Variants in RAB11FIP4 observed in about 807,000 individuals in gnomAD.
RAB11FIP4 encodes RAB11 family interacting protein 4.
RAB11FIP4 carries 23 observed loss-of-function variants against 74.3 expected under a neutral mutation model. The observed-to-expected ratio is 0.31, with a 90% CI of 0.22 to 0.44. The LOEUF (loss-of-function observed/expected upper bound fraction) is 0.44, where lower values mean the gene tolerates loss of function less well. Among genes scored for constraint, RAB11FIP4 ranks in the 20% least tolerant of loss-of-function variants. The pLI is 1.00. For missense variants in RAB11FIP4, 630 were observed against 863.9 expected, an observed-to-expected ratio of 0.73 and a Z score of 3.39; for synonymous variants, 360 against 359.9, an observed-to-expected ratio of 1.00 and a Z score of 0.00.
intron 1 of RAB11FIP4, among the ~76,000 whole-genome samples, chr17:31,408,947 G>T (rs745707467): frequency 6.6e-6 from 1 of 152,248 alleles, no homozygotes; most frequent in Non-Finnish European, 1.5e-5. Flanking sequence ...TATGGTTCAG[G>T]GGAGGACTCC....
At chr17:31,487,771 C>A (rs1000787110) in intron 3 of RAB11FIP4, among the ~76,000 whole-genome samples, 8 of 152,056 alleles carry the variant, frequency 5.3e-5, no homozygotes, top group Non-Finnish European at 7.4e-5. Context: ...CGAGCTCACA[C>A]GCCGACTCCT....
At chr17:31,409,029 G>A (rs2071067925) in intron 1 of RAB11FIP4, among the ~76,000 whole-genome samples, 1 of 152,250 alleles carries the variant, frequency 6.6e-6, no homozygotes, top group South Asian at 2.1e-4. Context: ...CATGCACACA[G>A]ACGGCCGCAG....
chr17:31,457,342 G>C (rs1157684404), intron 3 of RAB11FIP4, among the ~76,000 whole-genome samples: 4 of 152,048 alleles, frequency 2.6e-5, no homozygotes, highest in Non-Finnish European at 5.9e-5. Flanking sequence ...AGAGTCAGGA[G>C]CTGACCTCTC....
rs1009071040 is a variant in RAB11FIP4 at position 31,530,455 on chromosome 17, G to A, written c.1783G>A (p.Ala595Thr). 1.2e-6 allele frequency: 2 copies of A among 1,613,648 alleles called. No individual in the cohort carries two copies. Among genetic ancestry groups the A allele is most frequent in the African/African-American group, 1.3e-5 (1 of 75,044 alleles). Reference protein sequence around the residue: ...AQSLAAEIDTASRDELMEALK... With the variant: ...AQSLAAEIDTTSRDELMEALK... Reference sequence around the variant, plus strand: ...GTCTCTGGCTGCGGAGATAGACACCGCCTCGCGCGATGAGGTAACCACACC... The same window carrying A: ...GTCTCTGGCTGCGGAGATAGACACCACCTCGCGCGATGAGGTAACCACACC... The change falls in exon 14 of 15, where the codon GCC (alanine) becomes ACC (threonine). Residue 595 changes from alanine to threonine, a missense_variant. Coordinates refer to ENST00000621161, the MANE Select transcript of RAB11FIP4 (RefSeq NM_032932.6).
chr17:31,521,373 T>C lies in RAB11FIP4; in HGVS notation c.758+13T>C. 1 of 1,581,780 alleles carries C rather than the reference T, an allele frequency of 6.3e-7. No homozygotes were observed. The stretch of plus-strand genomic sequence containing the variant: ...CGGTGTCTTCCAGGTGGCCCCTTGG[T>C]CTGGGATGTCATTTGGGGTCAAAAG... On this transcript the variant is annotated intron_variant, in intron 5 of 14. Coordinates refer to ENST00000621161, the MANE Select transcript of RAB11FIP4 (RefSeq NM_032932.6).
chr17:31,396,119 G>A (rs2070926740), intron 1 of RAB11FIP4, among the ~76,000 whole-genome samples: 1 of 151,504 alleles, frequency 6.6e-6, no homozygotes, highest in Non-Finnish European at 1.5e-5. Flanking sequence ...GGGAGGCGGA[G>A]GTTGCAGTGA....
intron 3 of RAB11FIP4, among the ~76,000 whole-genome samples, chr17:31,503,959 C>G (rs2072268956): frequency 1.3e-5 from 2 of 149,504 alleles, no homozygotes; most frequent in Admixed American, 6.6e-5. Context: ...GAAAGGTGCT[C>G]AACATCATTG....
intron 3 of RAB11FIP4, among the ~76,000 whole-genome samples, chr17:31,475,303 C>G (rs1203376790): frequency 6.6e-6 from 1 of 152,084 alleles, no homozygotes; most frequent in Admixed American, 6.6e-5. Flanking sequence ...GTCAGCTTAA[C>G]CTGCAAGTCT....
chr17:31,486,658 T>A (rs1343708375), intron 3 of RAB11FIP4, among the ~76,000 whole-genome samples: 1 of 152,190 alleles, frequency 6.6e-6, no homozygotes. Context: ...AGAGAAACAG[T>A]CTGGCCTCTG....
At chr17:31,413,597 G>T (rs908929691) in intron 1 of RAB11FIP4, among the ~76,000 whole-genome samples, 10 of 151,062 alleles carry the variant, frequency 6.6e-5, no homozygotes, top group African/African-American at 1.5e-4. Flanking sequence ...TCACACCAAC[G>T]CCCCGCTTCT....
At chr17:31,436,350 C>T (rs1283861355) in intron 3 of RAB11FIP4, among the ~76,000 whole-genome samples, 2 of 152,096 alleles carry the variant, frequency 1.3e-5, no homozygotes, top group Non-Finnish European at 2.9e-5. Context: ...TTTCAGTTTA[C>T]CCTCGGATAC....
chr17:31,489,731 G>C (rs1237384106), intron 3 of RAB11FIP4, among the ~76,000 whole-genome samples: 1 of 152,194 alleles, frequency 6.6e-6, no homozygotes, highest in East Asian at 1.9e-4. Context: ...CTTCACAGGG[G>C]AGAGTGTCGC....
At chr17:31,530,160 C>T (rs1249138395) in intron 13 of RAB11FIP4, among the ~76,000 whole-genome samples, 166 bp from the exon 14 acceptor site, 2 of 152,214 alleles carry the variant, frequency 1.3e-5, no homozygotes, top group South Asian at 2.1e-4. Context: ...TTGCCCCCAG[C>T]GCTTGGCAAA....
intron 8 of RAB11FIP4, 69 bp downstream of exon 8, chr17:31,523,680 G>A (rs2074147): frequency 0.18 from 258,174 of 1,457,132 alleles, 23,692 homozygotes; most frequent in South Asian, 0.22. Context: ...GGTGCACTCA[G>A]GCTACTGTCT....
intron 3 of RAB11FIP4, among the ~76,000 whole-genome samples, chr17:31,513,202 G>A (rs7213689): frequency 0.38 from 58,169 of 152,014 alleles, 11,615 homozygotes; most frequent in South Asian, 0.54. Context: ...CAGCCTGGCC[G>A]GAGAGGAACC....
intron 1 of RAB11FIP4, among the ~76,000 whole-genome samples, chr17:31,417,159 C>T (rs559804277): frequency 6.6e-6 from 1 of 152,182 alleles, no homozygotes; most frequent in African/African-American, 2.4e-5. Context: ...GGAAACCCTG[C>T]AACTGGTCCT....
intron 3 of RAB11FIP4, among the ~76,000 whole-genome samples, chr17:31,454,977 A>G (rs1234208295): frequency 6.6e-6 from 1 of 152,192 alleles, no homozygotes; most frequent in Non-Finnish European, 1.5e-5. Flanking sequence ...ACAGGCAGGA[A>G]GAGGACTGGT....
At chr17:31,463,392 G>A (rs562807878) in intron 3 of RAB11FIP4, among the ~76,000 whole-genome samples, 29 of 152,294 alleles carry the variant, frequency 1.9e-4, no homozygotes, top group African/African-American at 4.8e-4. Context: ...GTGCCCTGGC[G>A]TGTGGTGGGC....
chr17:31,509,213 C>CA (rs2072408758), intron 3 of RAB11FIP4: 2 of 152,424 alleles, frequency 1.3e-5, no homozygotes, highest in Admixed American at 6.5e-5. Flanking sequence ...CCTGTCTCTA[C>CA]AAAAAATCTG....
Sources: allele counts gnomAD v4.1 joint callset (sites outside exome capture counted in the v4.1 genomes callset), GRCh38; gene constraint gnomAD v4.1.1; transcripts MANE v1.5; gene names NCBI Gene and HGNC (gene_info 2026-07-23, HGNC 2026-07-21).